PGLYRP4: variants seen among roughly 807,000 people sequenced by gnomAD.
PGLYRP4 encodes PGRP-I-beta.
PGLYRP4 carries 39 observed loss-of-function variants against 41.2 expected under a neutral mutation model. That is an observed-to-expected ratio of 0.95 (90% CI 0.73 to 1.24). PGLYRP4 has a LOEUF of 1.24. Among genes scored for constraint, PGLYRP4 ranks in the 50% most tolerant of loss-of-function variants. PGLYRP4 has a pLI of 0.00. For missense variants in PGLYRP4, 467 were observed against 460.7 expected, an observed-to-expected ratio of 1.01 and a Z score of -0.13; for synonymous variants, 202 against 186.8, an observed-to-expected ratio of 1.08 and a Z score of -0.66.
intron 7 of PGLYRP4, among the ~76,000 whole-genome samples, chr1:153,339,703 T>G (rs1660713398): frequency 1.3e-5 from 2 of 152,318 alleles, no homozygotes; most frequent in African/African-American, 2.4e-5. Context: ...AATCAATACT[T>G]TTTAATGGAA....
chr1:153,336,173 C>G (rs1490186768), intron 8 of PGLYRP4, among the ~76,000 whole-genome samples: 1 of 151,674 alleles, frequency 6.6e-6, no homozygotes, highest in Non-Finnish European at 1.5e-5. Flanking sequence ...GAGTTCGAGA[C>G]AAGTCTGGCC....
Position 153,341,677 on chromosome 1 carries a change from C to T in PGLYRP4, c.575G>A (p.Gly192Glu), listed in dbSNP as rs3006448. The change falls in exon 6 of 9, where the codon GGG becomes GAG. Residue 192 changes from glycine (G) to glutamate (E), a missense_variant. By Grantham distance (98) the Gly-to-Glu change is moderately conservative. Coordinates refer to ENST00000359650, the MANE Select transcript of PGLYRP4 (RefSeq NM_020393.4). ...AGGGGCCAGGCAGTTCTCGCCTTTC[C>T]CAAGAAGTGGCTGAACATAACTGGA... ...LSSSYVQPLL[G>E]KGENCLAPRQ... is the part of the protein sequence containing the mutation. 3.7e-6 allele frequency: 6 copies of T among 1,613,638 alleles called. No homozygotes were observed. The South Asian group carries it at 4.4e-5, about 12-fold the overall frequency.
At chr1:153,346,018 C>T (rs1660994195) in intron 3 of PGLYRP4, 84 bp downstream of exon 3, 1 of 1,005,654 alleles carries the variant, frequency 9.9e-7, no homozygotes, top group Non-Finnish European at 1.6e-6. Context: ...TCACATGTGG[C>T]TTTGCAGACC....
intron 8 of PGLYRP4, among the ~76,000 whole-genome samples, chr1:153,335,588 G>A (rs1010622910): frequency 2.0e-5 from 3 of 152,088 alleles, no homozygotes; most frequent in East Asian, 3.9e-4. Flanking sequence ...AGCTGGGTGT[G>A]GTGGCATGCA....
At chr1:153,346,869 GT>G (rs1365930542) in intron 2 of PGLYRP4, among the ~76,000 whole-genome samples, 2 of 152,190 alleles carry the variant, frequency 1.3e-5, no homozygotes, top group Non-Finnish European at 2.9e-5. Flanking sequence ...CTCACAGTGA[GT>G]TTAGGAAGTC....
chr1:153,345,466 C>G (rs1364794896), intron 3 of PGLYRP4, 84 bp from the exon 4 acceptor site: 9 of 1,280,740 alleles, frequency 7.0e-6, no homozygotes, highest in Non-Finnish European at 1.0e-5. Context: ...GCTGTGTCGG[C>G]CCCTTGGTAG....
chr1:153,337,312 A>C lies in PGLYRP4; in HGVS notation c.825-13T>G. 2.0e-6 allele frequency: 3 copies of C among 1,491,782 alleles called. No individual in the cohort carries two copies. The highest frequency in any genetic ancestry group is 2.8e-6 in the Non-Finnish European group (3 of 1,081,464). 92.4% of individuals were successfully genotyped at this position (1,491,782 alleles called of 1,614,324 possible). ...GCCCACCAGGAAGCTAGAGGACCACAAGGGGAGATGGAGACCAGCATGAAA... is the reference window on the plus strand; with the variant it reads ...GCCCACCAGGAAGCTAGAGGACCACCAGGGGAGATGGAGACCAGCATGAAA... On this transcript the variant is annotated splice_polypyrimidine_tract_variant and intron_variant, in intron 7 of 8. Transcript: ENST00000359650.
rs1660752519 is a variant in PGLYRP4, at chr1:153,340,527, A to G, written c.678T>C (p.Cys226=). 4 of 1,614,148 alleles carry G rather than the reference A, an allele frequency of 2.5e-6. No homozygotes were observed. The highest frequency in any genetic ancestry group is 3.4e-6 in the Non-Finnish European group (4 of 1,180,022). The change falls in exon 7 of 9, where the codon TGT becomes TGC. Residue 226 remains cysteine (C), a synonymous_variant. Transcript: ENST00000359650. The part of the protein sequence containing the change: ...RSVWGARETH[C]PRMTLPAKYG... ...ACTTCGCTGGGAGAGTCATCCTGGG[A>G]CAGTGGGTCTCCCTGGCTCCCCACA...
rs200799317 is a variant in PGLYRP4, at chr1:153,340,571, C to T, written c.634G>A (p.Gly212Ser). The T allele has an allele frequency of 3.2e-5, 51 of 1,613,634 alleles. No homozygotes were observed. The highest frequency in any genetic ancestry group is 4.0e-5 in the African/African-American group (3 of 74,916). Residue 212 changes from glycine (G) to serine (S), a missense_variant, in exon 7 of 9, where the codon GGC becomes AGC. Transcript: ENST00000359650. ...QKTSLKKACPGVVPRSVWGAR... is the reference protein window; with the variant it reads ...QKTSLKKACPSVVPRSVWGAR... ...CCCCACACAGACCGTGGGACAACGC[C>T]GGGGCAAGCTGAGGTGGGGCGAGAA...
chr1:153,336,369 CAAAAAAAAAAA>C (rs58665160), intron 8 of PGLYRP4, among the ~76,000 whole-genome samples: 1 of 76,498 alleles, frequency 1.3e-5, no homozygotes, highest in Non-Finnish European at 2.2e-5. Flanking sequence ...GACTCCATCT[CAAAAAAAAAAA>C]AAAAAAAAAA....
At position 153,345,179 on chromosome 1, in the gene PGLYRP4, C is replaced by T. The variant is rs761522051; in HGVS notation, c.343G>A (p.Val115Met). Residue 115 changes from valine to methionine, a missense_variant, in exon 4 of 9, where the codon GTG becomes ATG. Physicochemically the swap from Val to Met is conservative, Grantham distance 21. Transcript: ENST00000359650. ...AGACCCAGCTCTTACTTGTAGGCCA[C>T]ATCACACCCACTGTTGTTGTGGACA... ...HHVHNNSGCD[V>M]AYNFLVGDDG... The T allele has an allele frequency of 5.0e-6, 8 of 1,610,580 alleles. No homozygotes were observed. Among genetic ancestry groups the T allele is most frequent in the Non-Finnish European group, 6.8e-6 (8 of 1,178,928 alleles).
At position 153,345,266 on chromosome 1, in the gene PGLYRP4, C is replaced by G; in HGVS notation, c.256G>C (p.Gly86Arg). The change falls in exon 4 of 9, where the codon GGA (glycine) becomes CGA (arginine). Residue 86 changes from glycine to arginine, a missense_variant. By Grantham distance (125) the Gly-to-Arg change is moderately radical. Transcript: ENST00000359650. ...VNVLVIHHVP[G>R]LECHDQTVCS... is the part of the protein sequence containing the mutation. ...ACTGTCTGGTCGTGACACTCCAGTC[C>G]AGGGACATGGTGTATAACAAGGACA... The G allele has an allele frequency of 6.2e-7, 1 of 1,614,162 alleles. No individual in the cohort carries two copies. The highest frequency in any genetic ancestry group is 8.5e-7 in the Non-Finnish European group (1 of 1,180,026).
chr1:153,337,832 C>T (rs1206950508), intron 7 of PGLYRP4, among the ~76,000 whole-genome samples: 2 of 152,148 alleles, frequency 1.3e-5, no homozygotes, highest in African/African-American at 2.4e-5. Context: ...TCTTTCCTGA[C>T]TTGATCTCTC....
intron 7 of PGLYRP4, among the ~76,000 whole-genome samples, chr1:153,338,897 T>A (rs1185088656): frequency 6.6e-6 from 1 of 152,234 alleles, no homozygotes; most frequent in East Asian, 1.9e-4. Flanking sequence ...ATTACTTTTC[T>A]TCCTCACTAA....
At position 153,341,651 on chromosome 1, in the gene PGLYRP4, G is replaced by A. The variant is rs374642444; in HGVS notation, c.601C>T (p.Arg201Trp). 1.5e-4 allele frequency: 250 copies of A among 1,613,168 alleles called. No homozygotes were observed. The East Asian group carries it at 1.8e-3, about 12-fold the overall frequency. Residue 201 changes from arginine to tryptophan, a missense_variant, in exon 6 of 9, where the codon CGG becomes TGG. Arg to Trp is a moderately radical substitution (Grantham distance 101). Coordinates refer to ENST00000359650, the MANE Select transcript of PGLYRP4 (RefSeq NM_020393.4). ...CCCTTCTTCAGGCTTGTCTTCTGCC[G>A]AGGGGCCAGGCAGTTCTCGCCTTTC... ...LGKGENCLAP[R>W]QKTSLKKACP... is the part of the protein sequence containing the mutation.
At chr1:153,333,183 A>C (rs1215680352) in intron 8 of PGLYRP4, among the ~76,000 whole-genome samples, 2 of 152,130 alleles carry the variant, frequency 1.3e-5, no homozygotes, top group Non-Finnish European at 2.9e-5. Context: ...TAGATTAACC[A>C]AGAAAAAAAG....
At chr1:153,334,833 A>T (rs185403416) in intron 8 of PGLYRP4, among the ~76,000 whole-genome samples, 1 of 152,204 alleles carries the variant, frequency 6.6e-6, no homozygotes, top group Non-Finnish European at 1.5e-5. Context: ...CCAAATTAGC[A>T]TCGTACTGGT....
In PGLYRP4 at chr1:153,347,290, C is replaced by T. The variant is rs139920615; in HGVS notation, c.49+594G>A. Among the ~76,000 whole-genome samples the T allele has an allele frequency of 4.1e-3, 620 of 151,590 alleles. 4 individuals are homozygous for T. The highest frequency in any genetic ancestry group is 0.014 in the African/African-American group (595 of 41,286). On this transcript the variant is annotated intron_variant, in intron 2 of 8. Transcript: ENST00000359650. Reference sequence around the variant, plus strand: ...TCTTGACCTCCTTATCTGCATGCCTCGGCTTCCCAAAGTGCTGGGATTAGA... The same window carrying T: ...TCTTGACCTCCTTATCTGCATGCCTTGGCTTCCCAAAGTGCTGGGATTAGA...
In PGLYRP4 at chr1:153,340,261, C is replaced by T; in HGVS notation, c.824+120G>A. ...CGTGTGATGAATTCATTTGGTTATC[C>T]ATACAGTGCCTCTCCTATGGTGACT... is the stretch of plus-strand genomic sequence containing the variant. On this transcript the variant is annotated intron_variant, in intron 7 of 8. Coordinates refer to ENST00000359650, the MANE Select transcript of PGLYRP4 (RefSeq NM_020393.4). The T allele has an allele frequency of 9.5e-6, 8 of 838,910 alleles. No homozygotes were observed. The South Asian group carries it at 1.3e-4, about 14-fold the overall frequency. 52.0% of individuals were successfully genotyped at this position (838,910 alleles called of 1,614,324 possible). A position where few individuals can be genotyped will look rare whatever the true frequency, so the allele number is the denominator to read the frequency against.
Sources: allele counts gnomAD v4.1 joint callset (sites outside exome capture counted in the v4.1 genomes callset), GRCh38; gene constraint gnomAD v4.1.1; transcripts MANE v1.5; gene names NCBI Gene and HGNC (gene_info 2026-07-23, HGNC 2026-07-21).